SLC25A48: variants seen among roughly 807,000 people sequenced by gnomAD.
SLC25A48 encodes the protein solute carrier family 25 member 48, also known as CTC-321K16.1.
Under a neutral mutation model 32.2 loss-of-function variants are expected in SLC25A48, and 29 were observed. That is an observed-to-expected ratio of 0.90 (90% CI 0.67 to 1.23). SLC25A48 has a LOEUF of 1.23. Among genes scored for constraint, SLC25A48 ranks in the 50% most tolerant of loss-of-function variants. The pLI, the probability that SLC25A48 is intolerant of heterozygous loss-of-function variation, is 0.00. For missense variants in SLC25A48, 399 were observed against 422.7 expected (o/e 0.94, Z 0.49); for synonymous variants, 164 against 172.3 (o/e 0.95, Z 0.38).
chr5:135,700,932 C>T (rs1754380467), intron 3 of SLC25A48, among the ~76,000 whole-genome samples: 2 of 152,302 alleles, frequency 1.3e-5, no homozygotes, highest in Middle Eastern at 3.4e-3. Context: ...TCTCATAAAT[C>T]GCAGAGGGCC....
intron 7 of SLC25A48, among the ~76,000 whole-genome samples, chr5:135,885,690 G>A (rs1449952373): frequency 6.6e-6 from 1 of 152,192 alleles, no homozygotes; most frequent in East Asian, 1.9e-4. Flanking sequence ...AATGAACAGG[G>A]TTTAGAATAA....
At chr5:135,739,227 C>G (rs1755446726) in intron 3 of SLC25A48, among the ~76,000 whole-genome samples, 1 of 152,150 alleles carries the variant, frequency 6.6e-6, no homozygotes, top group African/African-American at 2.4e-5. Context: ...AAGTGATCCT[C>G]CTACCTCAGT....
intron 3 of SLC25A48, among the ~76,000 whole-genome samples, chr5:135,721,755 G>A (rs2126983325): frequency 6.6e-6 from 1 of 152,320 alleles, no homozygotes; most frequent in Non-Finnish European, 1.5e-5. Flanking sequence ...GGAGGAAGAG[G>A]GCAGCAGAGA....
chr5:135,712,749 TGCACTTG>T (rs1754696728), intron 3 of SLC25A48, among the ~76,000 whole-genome samples: 1 of 152,224 alleles, frequency 6.6e-6, no homozygotes, highest in African/African-American at 2.4e-5. Flanking sequence ...ATCTGCCCCT[TGCACTTG>T]GGGCAAACCT....
chr5:135,736,812 C>T lies in SLC25A48; in HGVS notation c.-520-75711C>T, dbSNP rs904047702. Among the ~76,000 whole-genome samples, 4 of 152,064 alleles carry T rather than the reference C, an allele frequency of 2.6e-5. No individual in the cohort carries two copies. In the South Asian group the frequency reaches 6.2e-4, roughly 24 times the overall value. Reference sequence around the variant, plus strand: ...CACAGATAAAACGCATCTCCTGTCTCTACCAGAAAAGGAAAGGAACTGAAA... The same window carrying T: ...CACAGATAAAACGCATCTCCTGTCTTTACCAGAAAAGGAAAGGAACTGAAA... On this transcript the variant is annotated intron_variant, in intron 3 of 10. Coordinates refer to the SLC25A48 transcript ENST00000646290.
At chr5:135,630,102 G>A (rs1436912521) in intron 2 of SLC25A48, among the ~76,000 whole-genome samples, 1 of 152,210 alleles carries the variant, frequency 6.6e-6, no homozygotes. Flanking sequence ...CATATGCCAA[G>A]GAATGAATGG....
chr5:135,580,462 C>T (rs897993305), intron 1 of SLC25A48, among the ~76,000 whole-genome samples: 5 of 152,202 alleles, frequency 3.3e-5, no homozygotes, highest in Admixed American at 2.0e-4. Context: ...TGGGGACAGT[C>T]TGCTGAAGGG....
intron 4 of SLC25A48, among the ~76,000 whole-genome samples, chr5:135,866,034 G>T (rs1415019094): frequency 6.6e-6 from 1 of 152,206 alleles, no homozygotes; most frequent in African/African-American, 2.4e-5. Context: ...GCCTTGAAAT[G>T]ACTCCCACTG....
At chr5:135,583,560 C>T (rs1442257372) in intron 1 of SLC25A48, among the ~76,000 whole-genome samples, 1 of 151,752 alleles carries the variant, frequency 6.6e-6, no homozygotes, top group Non-Finnish European at 1.5e-5. Context: ...CCACAACTGG[C>T]CTTCATTGTA....
chr5:135,698,340 G>C (rs1001684447), intron 3 of SLC25A48, among the ~76,000 whole-genome samples: 2 of 152,196 alleles, frequency 1.3e-5, no homozygotes, highest in Non-Finnish European at 1.5e-5. Flanking sequence ...TCTTTGGCTG[G>C]TGGTTCTTAA....
intron 3 of SLC25A48, among the ~76,000 whole-genome samples, chr5:135,788,927 G>A (rs891854496): frequency 1.3e-5 from 2 of 149,652 alleles, no homozygotes; most frequent in Admixed American, 1.3e-4. Flanking sequence ...CGTAATATCC[G>A]GGGGGAAGAG....
At chr5:135,869,081 A>G (rs759866859) in intron 4 of SLC25A48, among the ~76,000 whole-genome samples, 1 of 152,242 alleles carries the variant, frequency 6.6e-6, no homozygotes, top group Non-Finnish European at 1.5e-5. Flanking sequence ...TATTGTTAGC[A>G]ATAGATAAAT....
intron 3 of SLC25A48, among the ~76,000 whole-genome samples, chr5:135,756,952 A>G (rs1449727032): frequency 1.3e-5 from 2 of 151,106 alleles, no homozygotes; most frequent in Non-Finnish European, 1.5e-5. Flanking sequence ...TATTTATAAT[A>G]TCTAGTGTTA....
At chr5:135,700,551 C>T (rs1270622047) in intron 3 of SLC25A48, among the ~76,000 whole-genome samples, 2 of 152,162 alleles carry the variant, frequency 1.3e-5, no homozygotes, top group African/African-American at 4.8e-5. Flanking sequence ...GGGAGAGGCC[C>T]CCACGGGCAG....
intron 2 of SLC25A48, among the ~76,000 whole-genome samples, chr5:135,843,057 T>C (rs1403554374): frequency 6.6e-6 from 1 of 152,206 alleles, no homozygotes; most frequent in Non-Finnish European, 1.5e-5. Context: ...TCTCCCCATC[T>C]TGCTCCCTGT....
intron 3 of SLC25A48, among the ~76,000 whole-genome samples, chr5:135,638,644 A>G (rs1752763757): frequency 6.6e-6 from 1 of 152,254 alleles, no homozygotes; most frequent in Non-Finnish European, 1.5e-5. Flanking sequence ...AGGATGAAAG[A>G]AATTTTGAAG....
intron 1 of SLC25A48, among the ~76,000 whole-genome samples, chr5:135,599,411 TG>T (rs1215811830): frequency 6.6e-6 from 1 of 152,210 alleles, no homozygotes; most frequent in Non-Finnish European, 1.5e-5. Context: ...AGGCAGTCTT[TG>T]GGGGTTTGCT....
Position 135,628,788 on chromosome 5 carries a change from G to A in SLC25A48, c.-848-449G>A, listed in dbSNP as rs539229719. Among the ~76,000 whole-genome samples, 3 of 152,238 alleles carry A rather than the reference G, an allele frequency of 2.0e-5. No homozygotes were observed. The South Asian group carries it at 6.2e-4, about 32-fold the overall frequency. On this transcript the variant is annotated intron_variant, in intron 1 of 10. Coordinates refer to the SLC25A48 transcript ENST00000646290. ...CTCTCTCCCTCTTTCATTCCCACCT[G>A]TCCTCCCTCCCTCCTATTTTGGAGG... is the stretch of plus-strand genomic sequence containing the variant.
At chr5:135,731,651 A>G (rs1007625292) in intron 3 of SLC25A48, among the ~76,000 whole-genome samples, 4 of 152,174 alleles carry the variant, frequency 2.6e-5, no homozygotes, top group African/African-American at 9.7e-5. Flanking sequence ...GTTTTGTATG[A>G]ATTGAGAGAC....
Sources: gnomAD v4.1 joint callset for allele counts (sites outside exome capture counted in the v4.1 genomes callset) on GRCh38, gnomAD v4.1.1 for gene constraint, MANE v1.5 for transcripts, NCBI Gene and HGNC (gene_info 2026-07-23, HGNC 2026-07-21) for gene names.